LARGE1: variants seen among roughly 807,000 people sequenced by gnomAD.
LARGE1 encodes the protein LARGE xylosyl- and glucuronyltransferase 1.
Under a neutral mutation model 87.6 loss-of-function variants are expected in LARGE1, and 43 were observed. The ratio of observed to expected loss-of-function variants is 0.49; its 90% CI spans 0.38 to 0.63. LARGE1 has a LOEUF of 0.63. Ranked by LOEUF, LARGE1 falls within the 30% of genes least tolerant of loss-of-function variation. LARGE1 has a pLI of 0.00. For synonymous variants in LARGE1, 434 were observed against 394.6 expected (o/e 1.10, Z -1.18); for missense variants, 802 against 1,000.2 (o/e 0.80, Z 2.67).
exon 12 of LARGE1, chr22:33,164,369 A>G (rs542996895): frequency 6.6e-6 from 1 of 152,292 alleles, no homozygotes; most frequent in African/African-American, 2.4e-5. Context: ...GCGGCACTCC[A>G]GGTGAGAAAA....
At chr22:33,896,372 G>A (rs959123297) in intron 1 of LARGE1, among the ~76,000 whole-genome samples, 1 of 152,146 alleles carries the variant, frequency 6.6e-6, no homozygotes, top group African/African-American at 2.4e-5. Flanking sequence ...TGGCTATTGT[G>A]AATGACGCTG....
intron 11 of LARGE1, chr22:33,305,542 G>T (rs773485399): frequency 2.2e-4 from 211 of 976,876 alleles, no homozygotes; most frequent in Non-Finnish European, 2.5e-4. Context: ...CCAGCAAGAG[G>T]TACGTAATCA....
intron 11 of LARGE1, among the ~76,000 whole-genome samples, chr22:33,195,137 G>T (rs1430525351): frequency 1.3e-5 from 2 of 151,920 alleles, no homozygotes; most frequent in Non-Finnish European, 2.9e-5. Context: ...TCTCAATCAA[G>T]ATTTAAATTG....
intron 1 of LARGE1, among the ~76,000 whole-genome samples, chr22:33,864,493 C>G (rs958973448): frequency 6.6e-6 from 1 of 152,154 alleles, no homozygotes; most frequent in Non-Finnish European, 1.5e-5. Flanking sequence ...TGGAGAGCGC[C>G]TAAGTCTTCT....
intron 1 of LARGE1, among the ~76,000 whole-genome samples, chr22:33,782,261 T>C (rs1025286159): frequency 1.3e-5 from 2 of 151,330 alleles, no homozygotes; most frequent in Non-Finnish European, 2.9e-5. Flanking sequence ...GGAGGGAGAG[T>C]AGCCCCTATC....
the LARGE1 span, among the ~76,000 whole-genome samples, chr22:33,107,395 C>A: frequency 6.6e-6 from 1 of 152,092 alleles, no homozygotes; most frequent in Non-Finnish European, 1.5e-5. Context: ...AAAACCCCAT[C>A]TCTACGAAAA....
intron 1 of LARGE1, among the ~76,000 whole-genome samples, chr22:33,794,626 T>A (rs1389866864): frequency 2.0e-5 from 3 of 152,178 alleles, no homozygotes; most frequent in Non-Finnish European, 2.9e-5. Context: ...GAAAATTTCT[T>A]TCTTTTCTTT....
At chr22:33,128,607 G>A in the LARGE1 span, among the ~76,000 whole-genome samples, 1 of 151,558 alleles carries the variant, frequency 6.6e-6, no homozygotes, top group East Asian at 1.9e-4. Flanking sequence ...CCCAGAAGTG[G>A]AGGGTGCAGT....
At chr22:33,401,926 C>A (rs1435984821) in intron 7 of LARGE1, among the ~76,000 whole-genome samples, 1 of 152,176 alleles carries the variant, frequency 6.6e-6, no homozygotes, top group Non-Finnish European at 1.5e-5. Flanking sequence ...TTGGCTAGTC[C>A]CTGGGTGCCC....
At chr22:33,864,177 C>T (rs2064018326) in intron 1 of LARGE1, among the ~76,000 whole-genome samples, 1 of 152,188 alleles carries the variant, frequency 6.6e-6, no homozygotes, top group Non-Finnish European at 1.5e-5. Flanking sequence ...ACCCTTCAGA[C>T]CACTGATGAC....
At chr22:33,760,707 G>A (rs1382131419) in intron 2 of LARGE1, among the ~76,000 whole-genome samples, 1 of 152,146 alleles carries the variant, frequency 6.6e-6, no homozygotes, top group Non-Finnish European at 1.5e-5. Flanking sequence ...AGATCACAAG[G>A]TCAAGAGATG....
chr22:33,223,014 C>T (rs775232574), intron 11 of LARGE1, among the ~76,000 whole-genome samples: 11 of 152,176 alleles, frequency 7.2e-5, no homozygotes, highest in Non-Finnish European at 1.5e-4. Context: ...AAAGAGCCTG[C>T]CCCTATCAGG....
intron 1 of LARGE1, among the ~76,000 whole-genome samples, chr22:33,804,541 G>A (rs929849368): frequency 1.3e-5 from 2 of 152,210 alleles, no homozygotes; most frequent in Non-Finnish European, 2.9e-5. Flanking sequence ...CTGCTGCTCA[G>A]TAAAACACAC....
At chr22:33,336,484 G>A (rs1032408348) in intron 10 of LARGE1, among the ~76,000 whole-genome samples, 4 of 152,136 alleles carry the variant, frequency 2.6e-5, no homozygotes, top group Non-Finnish European at 5.9e-5. Context: ...ACAGGTGTGA[G>A]CCACCGCGCC....
At chr22:33,071,391 T>C in the LARGE1 span, among the ~76,000 whole-genome samples, 1 of 152,206 alleles carries the variant, frequency 6.6e-6, no homozygotes, top group Non-Finnish European at 1.5e-5. Flanking sequence ...TTATACACGT[T>C]GTTAAAGTGT....
At chr22:33,897,635 T>C (rs1356969828) in intron 1 of LARGE1, among the ~76,000 whole-genome samples, 1 of 152,172 alleles carries the variant, frequency 6.6e-6, no homozygotes, top group Non-Finnish European at 1.5e-5. Context: ...ACAGCCAAAA[T>C]GTGGCGCTTT....
chr22:33,422,635 G>A (rs146840487), intron 7 of LARGE1, among the ~76,000 whole-genome samples: 49 of 151,416 alleles, frequency 3.2e-4, no homozygotes, highest in African/African-American at 9.7e-4. Context: ...TCCACCTTCC[G>A]AGTGGTTGGG....
At chr22:33,889,572 T>G (rs12484526) in intron 1 of LARGE1, among the ~76,000 whole-genome samples, 4 of 152,160 alleles carry the variant, frequency 2.6e-5, no homozygotes, top group Admixed American at 2.6e-4. Context: ...TTCAATCAAC[T>G]CACGCCAAGA....
intron 9 of LARGE1, among the ~76,000 whole-genome samples, chr22:33,353,226 T>C (rs949968763): frequency 6.6e-6 from 1 of 152,274 alleles, no homozygotes; most frequent in Non-Finnish European, 1.5e-5. Context: ...AATATGCAGA[T>C]GAAGTCACCA....
Sources: allele counts gnomAD v4.1 joint callset (sites outside exome capture counted in the v4.1 genomes callset), GRCh38; gene constraint gnomAD v4.1.1; transcripts MANE v1.5; gene names NCBI Gene and HGNC (gene_info 2026-07-23, HGNC 2026-07-21).